JADE1: variants seen among roughly 807,000 people sequenced by gnomAD.
JADE1 encodes protein Jade-1.
A neutral mutation model predicts 81.8 loss-of-function variants in JADE1; 14 were observed. The observed-to-expected ratio is 0.17, with a 90% confidence interval of 0.11 to 0.27. The LOEUF (loss-of-function observed/expected upper bound fraction) is 0.27. Ranked by LOEUF, JADE1 falls within the 10% of genes least tolerant of loss-of-function variation. The pLI is 1.00. For synonymous variants in JADE1, 353 were observed against 391.9 expected (o/e 0.90, Z 1.17); for missense variants, 690 against 1,047.9 (o/e 0.66, Z 4.71).
At chr4:128,822,883 A>G (rs1727712492) in intron 1 of JADE1, among the ~76,000 whole-genome samples, 2 of 152,224 alleles carry the variant, frequency 1.3e-5, no homozygotes, top group Admixed American at 1.3e-4. Context: ...CAATTGCTGT[A>G]GGTATTTTCT....
At position 128,846,226 on chromosome 4, in the gene JADE1, G is replaced by A; in HGVS notation, c.139-149G>A. 1.3e-6 allele frequency: 1 copy of A among 765,700 alleles called. No homozygotes were observed. Among genetic ancestry groups the A allele is most frequent in the East Asian group, 2.5e-5 (1 of 40,188 alleles). 47.4% of individuals were successfully genotyped at this position (765,700 alleles called of 1,614,324 possible). On this transcript the variant is annotated intron_variant, in intron 3 of 10. Coordinates refer to ENST00000226319, the MANE Select transcript of JADE1 (RefSeq NM_199320.4). The surrounding 1 kb of genome is among the most constrained non-coding windows in gnomAD (Gnocchi z 4.0). ...CCTGAGTGAGGTAAAAGGCGTGTCA[G>A]GCAAAGTTTTTCTGTAATAGGTCAG... is the stretch of plus-strand genomic sequence containing the variant.
At chr4:128,816,275 A>G (rs552873326) in intron 1 of JADE1, 1 of 152,290 alleles carries the variant, frequency 6.6e-6, no homozygotes, top group Admixed American at 6.5e-5. Flanking sequence ...TATTGAGTCT[A>G]TTGTCCTTTG....
At chr4:128,859,471 A>T (rs866858328) in intron 8 of JADE1, among the ~76,000 whole-genome samples, 2 of 150,992 alleles carry the variant, frequency 1.3e-5, no homozygotes, top group Non-Finnish European at 2.9e-5. Flanking sequence ...GAGTATGCAC[A>T]TGAGTATGCA....
chr4:128,859,913 T>C (rs1459386866), intron 8 of JADE1, among the ~76,000 whole-genome samples: 2 of 152,252 alleles, frequency 1.3e-5, no homozygotes. Flanking sequence ...CTCTCTGAAA[T>C]GTCTGCAGCT....
intron 2 of JADE1, among the ~76,000 whole-genome samples, chr4:128,835,764 C>T (rs1728929151): frequency 6.6e-6 from 1 of 152,214 alleles, no homozygotes. Flanking sequence ...CATGGGGCTG[C>T]AGCACGAGCC....
chr4:128,864,136 A>C (rs528021937), intron 9 of JADE1: 1 of 978,388 alleles, frequency 1.0e-6, no homozygotes, highest in East Asian at 1.1e-4. Flanking sequence ...AACTTTAAAG[A>C]ATTTGTATTC....
intron 2 of JADE1, among the ~76,000 whole-genome samples, chr4:128,837,078 T>G (rs1729045756): frequency 6.6e-6 from 1 of 152,256 alleles, no homozygotes; most frequent in East Asian, 1.9e-4. Flanking sequence ...TATTCTTGTC[T>G]GACTTCCTTA....
intron 9 of JADE1, chr4:128,864,649 A>G: frequency 1.0e-6 from 1 of 973,962 alleles, no homozygotes. Flanking sequence ...TTCTCAAGTA[A>G]GTTAGTTTTC....
rs945012862 is a variant in JADE1 at position 128,846,421 on chromosome 4, A to G, written c.185A>G (p.Tyr62Cys). The G allele has an allele frequency of 4.3e-6, 7 of 1,613,996 alleles. No homozygotes were observed. Among genetic ancestry groups the G allele is most frequent in the Non-Finnish European group, 5.9e-6 (7 of 1,179,990 alleles). ...LITAMKLHDS[Y>C]QLNPDEYYVL... ...ACTGCCATGAAGTTGCATGACTCCT[A>G]CCAGCTGAATCCGGATGAGTACTAT... Residue 62 changes from tyrosine (Y) to cysteine (C), a missense_variant, in exon 4 of 11, where the codon TAC becomes TGC. Tyr to Cys is a radical substitution (Grantham distance 194). Coordinates refer to ENST00000226319, the MANE Select transcript of JADE1 (RefSeq NM_199320.4). The surrounding 1 kb of genome is among the most constrained non-coding windows in gnomAD (Gnocchi z 4.0).
At chr4:128,814,442 A>T (rs1348908537) in intron 1 of JADE1, among the ~76,000 whole-genome samples, 1 of 152,256 alleles carries the variant, frequency 6.6e-6, no homozygotes, top group Non-Finnish European at 1.5e-5. Context: ...GGAAACAAAT[A>T]TAAAAACAAA....
chr4:128,853,445 A>G (rs1432369811), intron 6 of JADE1, among the ~76,000 whole-genome samples: 3 of 152,176 alleles, frequency 2.0e-5, no homozygotes, highest in Non-Finnish European at 4.4e-5. Context: ...GTCTTAAAAA[A>G]CAGGACAGTA....
rs142907716 is a variant in JADE1 at position 128,867,966 on chromosome 4, A to T, written c.1614A>T (p.Arg538Ser). 2.7e-5 allele frequency: 43 copies of T among 1,598,608 alleles called. No individual in the cohort carries two copies. The East Asian group carries it at 9.2e-4, about 34-fold the overall frequency. ...ACACTAAGCTTTTGGAGCAAGAAAG[A>T]GTTTCAGGTATGCATTAAGCCCTGG... is the stretch of plus-strand genomic sequence containing the variant. ...NLYTKLLEQE[R>S]VSGVPSSCSS... Residue 538 changes from arginine to serine, a missense_variant, in exon 10 of 11, where the codon AGA (arginine) becomes AGT (serine). Physicochemically the swap from Arg to Ser is moderately radical, Grantham distance 110 (BLOSUM62 -1). Around this residue, in one of 8 missense-constraint regions of JADE1, gnomAD observed 86 missense variants for 95.4 expected, o/e 0.90. Coordinates refer to ENST00000226319, the MANE Select transcript of JADE1 (RefSeq NM_199320.4).
Position 128,852,272 on chromosome 4 carries a change from T to C in JADE1, c.696+4T>C. The stretch of plus-strand genomic sequence containing the variant: ...ATGCAACATCTGTGTGCACCAGGTA[T>C]GTGGGGCAGGGAGGCCAGAAAGAAG... On this transcript the variant is annotated splice_donor_region_variant and intron_variant, in intron 6 of 10. Transcript: ENST00000226319. The C allele has an allele frequency of 1.2e-6, 2 of 1,612,806 alleles. No individual in the cohort carries two copies. Among genetic ancestry groups the C allele is most frequent in the Non-Finnish European group, 1.7e-6 (2 of 1,178,808 alleles).
chr4:128,827,292 A>G (rs1728164789), intron 1 of JADE1, among the ~76,000 whole-genome samples: 2 of 152,230 alleles, frequency 1.3e-5, no homozygotes, highest in African/African-American at 4.8e-5. Flanking sequence ...GTAACAGTGC[A>G]TTGAAAAGCA....
chr4:128,864,260 G>A (rs1173756565), intron 9 of JADE1: 2 of 508,700 alleles, frequency 3.9e-6, no homozygotes, highest in Non-Finnish European at 5.1e-6. Context: ...TGATTCTCCT[G>A]CCTCGGTCTC....
intron 9 of JADE1, chr4:128,863,048 TCA>T: frequency 1.0e-6 from 1 of 985,436 alleles, no homozygotes; most frequent in Non-Finnish European, 1.2e-6. Context: ...GTGTTGTTTG[TCA>T]CACTGAGATT....
At chr4:128,834,157 A>G (rs1190482337) in intron 2 of JADE1, among the ~76,000 whole-genome samples, 1 of 152,160 alleles carries the variant, frequency 6.6e-6, no homozygotes, top group African/African-American at 2.4e-5. Context: ...TCAGCTCAGG[A>G]TGCTACAAAA....
chr4:128,818,833 C>T (rs972883164), intron 1 of JADE1, among the ~76,000 whole-genome samples: 5 of 152,118 alleles, frequency 3.3e-5, no homozygotes, highest in African/African-American at 1.2e-4. Context: ...CATACAGAAA[C>T]AGGCTGTTGA....
chr4:128,863,400 C>T, intron 9 of JADE1: 1 of 985,444 alleles, frequency 1.0e-6, no homozygotes. Context: ...ACCCAAGTGG[C>T]CTGAAACAGT....
Sources: gnomAD v4.1 joint callset for allele counts (sites outside exome capture counted in the v4.1 genomes callset) on GRCh38, gnomAD v4.1.1 for gene constraint, gnomAD v4.1.1 regional missense constraint, Gnocchi (gnomAD v3.1) non-coding constraint, MANE v1.5 for transcripts, NCBI Gene and HGNC (gene_info 2026-07-23, HGNC 2026-07-21) for gene names.